GPBP1L1: variants seen among roughly 807,000 people sequenced by gnomAD.
GPBP1L1 encodes the protein vasculin-like protein 1.
GPBP1L1 carries 23 observed loss-of-function variants against 52.5 expected under a neutral mutation model. The ratio of observed to expected loss-of-function variants is 0.44; its 90% CI spans 0.32 to 0.62. The LOEUF is 0.62. Ranked by LOEUF, GPBP1L1 falls within the 20% of genes least tolerant of loss-of-function variation. GPBP1L1 has a pLI of 0.06. For missense variants in GPBP1L1, 596 were observed against 579.3 expected (o/e 1.03, Z -0.30); for synonymous variants, 243 against 203.1 (o/e 1.20, Z -1.67).
chr1:45,628,941 C>T (rs1215680199), intron 12 of GPBP1L1, among the ~76,000 whole-genome samples: 1 of 152,224 alleles, frequency 6.6e-6, no homozygotes. Flanking sequence ...GGATTACAGG[C>T]GTGAGCCACT....
At chr1:45,685,046 A>C (rs1645262336) in intron 2 of GPBP1L1, among the ~76,000 whole-genome samples, 1 of 151,998 alleles carries the variant, frequency 6.6e-6, no homozygotes. Flanking sequence ...CTTTTTGTTT[A>C]AACTTCTGGA....
intron 4 of GPBP1L1, among the ~76,000 whole-genome samples, chr1:45,657,073 C>T (rs565836597): frequency 2.0e-5 from 3 of 152,160 alleles, no homozygotes; most frequent in East Asian, 3.9e-4. Context: ...ATTATAGTTT[C>T]GAAAATGAAA....
At chr1:45,643,326 T>C (rs1254150696) in intron 6 of GPBP1L1, among the ~76,000 whole-genome samples, 1 of 152,152 alleles carries the variant, frequency 6.6e-6, no homozygotes, top group Non-Finnish European at 1.5e-5. Flanking sequence ...AAGAGCCAGC[T>C]TGTGGAGGAT....
In GPBP1L1 at chr1:45,666,261, T is replaced by C. The variant is rs907854850; in HGVS notation, c.-1097-5036A>G. On this transcript the variant is annotated intron_variant, in intron 2 of 12. Transcript: ENST00000355105. Reference sequence around the variant, plus strand: ...AGGAGAATCAAGCAATTCTCCTGTCTCAGCCTCCCAAGTAGCTGGGACTAC... The same window carrying C: ...AGGAGAATCAAGCAATTCTCCTGTCCCAGCCTCCCAAGTAGCTGGGACTAC... Among the ~76,000 whole-genome samples the C allele has an allele frequency of 7.3e-5, 11 of 151,446 alleles. No individual in the cohort carries two copies. In the East Asian group the frequency reaches 2.2e-3, roughly 30 times the overall value.
In GPBP1L1 at chr1:45,664,103, T is replaced by C. The variant is rs531328716; in HGVS notation, c.-1097-2878A>G. ...ATCCCAGCACTTTGGGAGGCCGAGG[T>C]GGGCGGATCACGAGGTCAGGAAATC... On this transcript the variant is annotated intron_variant, in intron 2 of 12. Coordinates refer to ENST00000355105, the MANE Select transcript of GPBP1L1 (RefSeq NM_021639.5). Among the ~76,000 whole-genome samples the C allele has an allele frequency of 2.0e-5, 3 of 151,730 alleles. No homozygotes were observed. The South Asian group carries it at 6.2e-4, about 32-fold the overall frequency.
At chr1:45,657,716 G>T (rs1029639419) in intron 4 of GPBP1L1, among the ~76,000 whole-genome samples, 2 of 152,086 alleles carry the variant, frequency 1.3e-5, no homozygotes, top group Non-Finnish European at 2.9e-5. Flanking sequence ...AGCTGGGCAT[G>T]GTGGTGCTCA....
intron 6 of GPBP1L1, among the ~76,000 whole-genome samples, chr1:45,652,118 T>A (rs530490291): frequency 1.3e-5 from 2 of 152,318 alleles, no homozygotes; most frequent in Admixed American, 1.3e-4. Flanking sequence ...TTTAGCAACA[T>A]CCCTGATCTC....
At chr1:45,665,847 T>C (rs960710273) in intron 2 of GPBP1L1, among the ~76,000 whole-genome samples, 1 of 151,818 alleles carries the variant, frequency 6.6e-6, no homozygotes, top group Admixed American at 6.6e-5. Context: ...AATTACTCTC[T>C]AACTTAAAAA....
intron 8 of GPBP1L1, among the ~76,000 whole-genome samples, chr1:45,636,370 A>G (rs1644594710): frequency 6.6e-6 from 1 of 152,304 alleles, no homozygotes; most frequent in East Asian, 1.9e-4. Context: ...TAGAAAAAGC[A>G]ATTACTTATA....
At chr1:45,647,945 TTTTC>T (rs1334661175) in intron 6 of GPBP1L1, among the ~76,000 whole-genome samples, 1 of 152,158 alleles carries the variant, frequency 6.6e-6, no homozygotes, top group East Asian at 1.9e-4. Flanking sequence ...GTGTATGTTT[TTTTC>T]TTTTTTTTTG....
intron 4 of GPBP1L1, 33 bp downstream of exon 4, chr1:45,658,995 T>C: frequency 7.0e-7 from 1 of 1,428,510 alleles, no homozygotes; most frequent in Non-Finnish European, 9.9e-7. Context: ...CCTCTCATAT[T>C]TGAGAAGTTA....
intron 4 of GPBP1L1, 193 bp downstream of exon 4, chr1:45,658,835 T>C: frequency 1.8e-6 from 1 of 554,952 alleles, no homozygotes; most frequent in Non-Finnish European, 3.2e-6. Context: ...CCAGCTACTC[T>C]GGGAGCTGAG....
At position 45,628,397 on chromosome 1, in the gene GPBP1L1, A is replaced by G. The variant is rs1300616707; in HGVS notation, c.1284T>C (p.Asn428=). 2 of 1,613,944 alleles carry G rather than the reference A, an allele frequency of 1.2e-6. No individual in the cohort carries two copies. The highest frequency in any genetic ancestry group is 2.7e-5 in the African/African-American group (2 of 75,026). ...GCAAGAAGCCATTCTTTCCAAAGCC[A>G]TTTCTTCTCAGCTATGGTTAGCATG... ...FHMKTEQLRR[N]GFGKNGFLQS... is the part of the protein sequence containing the mutation. Residue 428 remains asparagine, a synonymous_variant, in exon 13 of 13, where the codon AAT becomes AAC. Coordinates refer to ENST00000355105, the MANE Select transcript of GPBP1L1 (RefSeq NM_021639.5).
intron 2 of GPBP1L1, among the ~76,000 whole-genome samples, chr1:45,667,394 C>T (rs1048031807): frequency 6.6e-6 from 1 of 152,250 alleles, no homozygotes; most frequent in South Asian, 2.1e-4. Flanking sequence ...TCAAAACCTC[C>T]AACTTATCGG....
intron 4 of GPBP1L1, among the ~76,000 whole-genome samples, chr1:45,658,572 A>G (rs1215090163): frequency 6.6e-6 from 1 of 152,254 alleles, no homozygotes; most frequent in Non-Finnish European, 1.5e-5. Context: ...TCCTTCTAAC[A>G]GAAAGCTATT....
At chr1:45,645,925 A>G (rs887283495) in intron 6 of GPBP1L1, 5 of 498,774 alleles carry the variant, frequency 1.0e-5, no homozygotes, top group African/African-American at 9.9e-5. Context: ...TGGTTGGGAT[A>G]GAAGCAGATT....
At chr1:45,673,801 C>T (rs1043791614) in intron 2 of GPBP1L1, among the ~76,000 whole-genome samples, 1 of 152,108 alleles carries the variant, frequency 6.6e-6, no homozygotes, top group African/African-American at 2.4e-5. Context: ...AGAGGTTGCA[C>T]TGAGCCAAGA....
At chr1:45,636,178 T>C (rs559704081) in intron 8 of GPBP1L1, among the ~76,000 whole-genome samples, 2 of 152,324 alleles carry the variant, frequency 1.3e-5, no homozygotes, top group Admixed American at 6.5e-5. Context: ...AAATGCGATA[T>C]TGCTCATTAT....
intron 7 of GPBP1L1, 86 bp from the exon 8 acceptor site, chr1:45,640,489 CA>C: frequency 9.5e-7 from 1 of 1,049,544 alleles, no homozygotes; most frequent in Non-Finnish European, 1.5e-6. Flanking sequence ...CCTTAGTCAA[CA>C]AAACAGCTGA....
Sources: allele counts gnomAD v4.1 joint callset (sites outside exome capture counted in the v4.1 genomes callset), GRCh38; gene constraint gnomAD v4.1.1; transcripts MANE v1.5; gene names NCBI Gene and HGNC (gene_info 2026-07-23, HGNC 2026-07-21).